Variants in CFAP54 observed in about 807,000 individuals in gnomAD.
CFAP54 encodes cilia- and flagella-associated protein 54.
A neutral mutation model predicts 370.4 loss-of-function variants in CFAP54; 290 were observed. The ratio of observed to expected loss-of-function variants is 0.78; its 90% CI spans 0.71 to 0.86. The LOEUF (loss-of-function observed/expected upper bound fraction) is 0.86, where lower values mean the gene tolerates loss of function less well. Among genes scored for constraint, CFAP54 ranks in the 40% least tolerant of loss-of-function variants. The pLI, the probability that CFAP54 is intolerant of heterozygous loss-of-function variation, is 0.00. For synonymous variants in CFAP54, 1,206 were observed against 1,236.5 expected (o/e 0.98, Z 0.52); for missense variants, 3,399 against 3,528.7 (o/e 0.96, Z 0.93).
intron 63 of CFAP54, among the ~76,000 whole-genome samples, chr12:96,810,145 T>G (rs886248242): frequency 6.6e-6 from 1 of 151,994 alleles, no homozygotes; most frequent in Non-Finnish European, 1.5e-5. Flanking sequence ...CACCTACTCC[T>G]GCCTTTAAAG....
intron 67 of CFAP54, among the ~76,000 whole-genome samples, chr12:96,867,002 G>A (rs1004794441): frequency 1.3e-5 from 2 of 152,162 alleles, no homozygotes; most frequent in African/African-American, 4.8e-5. Flanking sequence ...CTGGGGTTTG[G>A]ATGAAATGCA....
At chr12:96,649,472 A>G (rs1266742269) in intron 34 of CFAP54, among the ~76,000 whole-genome samples, 2 of 152,084 alleles carry the variant, frequency 1.3e-5, no homozygotes, top group Non-Finnish European at 2.9e-5. Flanking sequence ...CCAGGAGGGG[A>G]ATGCGTGGCC....
rs1467401983 is a variant in CFAP54 at position 96,621,744 on chromosome 12, T to C, written c.3771+23T>C. The C allele has an allele frequency of 2.6e-6, 4 of 1,511,832 alleles. No homozygotes were observed. In the Admixed American group the frequency reaches 6.1e-5, roughly 23 times the overall value. 93.7% of individuals were successfully genotyped at this position (1,511,832 alleles called of 1,614,324 possible). A position where few individuals can be genotyped will look rare whatever the true frequency, so the allele number is the denominator to read the frequency against. Reference sequence around the variant, plus strand: ...GAGGTAATTGTTTTTGTTTCTCATTTTTAAACCTACGTTTAGTTTGCATCT... The same window carrying C: ...GAGGTAATTGTTTTTGTTTCTCATTCTTAAACCTACGTTTAGTTTGCATCT... On this transcript the variant is annotated intron_variant, in intron 27 of 67. Transcript: ENST00000524981.
chr12:96,650,279 A>AG (rs1181251954), intron 35 of CFAP54, among the ~76,000 whole-genome samples: 1 of 152,094 alleles, frequency 6.6e-6, no homozygotes, highest in African/African-American at 2.4e-5. Flanking sequence ...TGTCAGGCAG[A>AG]GGGGGGAAGC....
At chr12:96,870,613 A>T (rs560150418) in intron 67 of CFAP54, among the ~76,000 whole-genome samples, 1 of 152,194 alleles carries the variant, frequency 6.6e-6, no homozygotes, top group African/African-American at 2.4e-5. Context: ...TTATATTATT[A>T]CATACATCTT....
intron 64 of CFAP54, among the ~76,000 whole-genome samples, chr12:96,815,692 T>C (rs1293606300): frequency 6.6e-6 from 1 of 152,244 alleles, no homozygotes; most frequent in Non-Finnish European, 1.5e-5. Context: ...TTTATGGTTT[T>C]AGGTTTTACA....
intron 63 of CFAP54, among the ~76,000 whole-genome samples, chr12:96,798,222 G>A (rs951077701): frequency 6.6e-5 from 10 of 151,742 alleles, no homozygotes; most frequent in African/African-American, 2.2e-4. Flanking sequence ...ACTCCCTCTT[G>A]CATTTTAGAC....
intron 22 of CFAP54, among the ~76,000 whole-genome samples, chr12:96,582,506 A>T (rs920913297): frequency 6.6e-6 from 1 of 152,192 alleles, no homozygotes; most frequent in African/African-American, 2.4e-5. Flanking sequence ...TGAGAGAATT[A>T]CTAGGATTTG....
Position 96,792,467 on chromosome 12 carries a change from C to T in CFAP54, c.8818C>T (p.Leu2940=). 6 of 1,535,700 alleles carry T rather than the reference C, an allele frequency of 3.9e-6. No homozygotes were observed. In the Middle Eastern group the frequency reaches 5.0e-4, roughly 128 times the overall value. ...ELCFQWYIPP[L]DRPPKETEPM... is the part of the protein sequence containing the mutation. Reference sequence around the variant, plus strand: ...TTGCTTTCAATGGTACATTCCTCCCCTGGATAGACCTCCCAAGGAGACAGA... The same window carrying T: ...TTGCTTTCAATGGTACATTCCTCCCTTGGATAGACCTCCCAAGGAGACAGA... The change falls in exon 63 of 68, where the codon CTG becomes TTG. Residue 2940 remains leucine (L), a synonymous_variant. Coordinates refer to ENST00000524981, the MANE Select transcript of CFAP54 (RefSeq NM_001306084.2).
chr12:96,635,283 A>G (rs966734435), intron 32 of CFAP54, among the ~76,000 whole-genome samples: 3 of 151,798 alleles, frequency 2.0e-5, no homozygotes, highest in African/African-American at 7.3e-5. Flanking sequence ...TCCATTTTTT[A>G]TTTTCTAAGA....
At chr12:96,513,177 ATATAT>A (rs1394268849) in intron 5 of CFAP54, 133 bp downstream of exon 5, 2 of 292,480 alleles carry the variant, frequency 6.8e-6, no homozygotes, top group Admixed American at 1.0e-4. Flanking sequence ...TTTAGTAAAT[ATATAT>A]TATATAGCTT....
intron 19 of CFAP54, chr12:96,572,964 A>G (rs1203518569): frequency 1.0e-6 from 1 of 985,396 alleles, no homozygotes; most frequent in East Asian, 1.1e-4. Flanking sequence ...CTAGTGTTCA[A>G]TTGGTTCACT....
chr12:96,576,510 TCA>T (rs1276102268), intron 19 of CFAP54, 73 bp from the exon 20 acceptor site: 1 of 1,096,572 alleles, frequency 9.1e-7, no homozygotes. Flanking sequence ...TTGTTTAACA[TCA>T]CTAGAATTCT....
chr12:96,737,045 G>A (rs955217442), intron 50 of CFAP54, among the ~76,000 whole-genome samples: 17 of 152,156 alleles, frequency 1.1e-4, no homozygotes, highest in Admixed American at 6.5e-4. Flanking sequence ...AATAGTACAC[G>A]TTGAGTATCC....
intron 32 of CFAP54, among the ~76,000 whole-genome samples, chr12:96,642,338 C>CT (rs1956740407): frequency 6.6e-6 from 1 of 152,100 alleles, no homozygotes; most frequent in Admixed American, 6.6e-5. Context: ...TATTTAGAAT[C>CT]TAAGTTGTGA....
chr12:96,683,597 C>T (rs1957294195), intron 40 of CFAP54, among the ~76,000 whole-genome samples: 2 of 152,212 alleles, frequency 1.3e-5, no homozygotes, highest in Non-Finnish European at 2.9e-5. Flanking sequence ...GGCCATCTGA[C>T]ATCTTTGGTC....
intron 64 of CFAP54, 48 bp downstream of exon 64, chr12:96,811,890 C>A: frequency 9.0e-7 from 1 of 1,112,176 alleles, no homozygotes; most frequent in Non-Finnish European, 1.3e-6. Context: ...TTATCTCTCA[C>A]GAGAATAGAC....
At chr12:96,650,121 C>A in intron 35 of CFAP54, 49 bp downstream of exon 35, 1 of 1,480,158 alleles carries the variant, frequency 6.8e-7, no homozygotes, top group East Asian at 2.3e-5. Flanking sequence ...AATTTCAGCC[C>A]ACCAACTTGG....
intron 48 of CFAP54, among the ~76,000 whole-genome samples, chr12:96,712,274 G>T (rs1957624442): frequency 6.6e-6 from 1 of 152,026 alleles, no homozygotes; most frequent in African/African-American, 2.4e-5. Flanking sequence ...TAGATGAATA[G>T]CTAGTGTGTC....
Sources: gnomAD v4.1 joint callset for allele counts (sites outside exome capture counted in the v4.1 genomes callset) on GRCh38, gnomAD v4.1.1 for gene constraint, MANE v1.5 for transcripts, NCBI Gene and HGNC (gene_info 2026-07-23, HGNC 2026-07-21) for gene names.